The following PPARGC1A variants were observed in gnomAD, a reference collection of about 807,000 sequenced individuals.
PPARGC1A encodes PPARG coactivator 1 alpha.
PPARGC1A carries 25 observed loss-of-function variants against 88.7 expected under a neutral mutation model. The ratio of observed to expected loss-of-function variants is 0.28; its 90% CI spans 0.21 to 0.39. The LOEUF is 0.39. Among genes scored for constraint, PPARGC1A ranks in the 10% least tolerant of loss-of-function variants. The probability of loss-of-function intolerance (pLI) is 1.00; values close to 1 mark genes in which losing one functional copy is unlikely to be tolerated. For missense variants in PPARGC1A, 880 were observed against 968.7 expected (o/e 0.91, Z 1.22); for synonymous variants, 363 against 355.6 (o/e 1.02, Z -0.24).
At chr4:24,186,502 T>C in the PPARGC1A span, among the ~76,000 whole-genome samples, 1 of 152,170 alleles carries the variant, frequency 6.6e-6, no homozygotes, top group Non-Finnish European at 1.5e-5. Flanking sequence ...TCTCTGGATC[T>C]TGGTGTCCTT....
chr4:23,981,205 T>C, the PPARGC1A span, among the ~76,000 whole-genome samples: 12 of 152,016 alleles, frequency 7.9e-5, no homozygotes, highest in African/African-American at 2.7e-4. Flanking sequence ...GCAATGGACT[T>C]TTAGTAAAAG....
the PPARGC1A span, among the ~76,000 whole-genome samples, chr4:24,058,185 C>T: frequency 6.6e-6 from 1 of 152,182 alleles, no homozygotes; most frequent in Non-Finnish European, 1.5e-5. Flanking sequence ...TCTTCCTCAG[C>T]TGACTCTTGA....
At chr4:24,445,078 G>A in the PPARGC1A span, among the ~76,000 whole-genome samples, 99 of 151,852 alleles carry the variant, frequency 6.5e-4, no homozygotes, top group Non-Finnish European at 1.1e-3. Context: ...GAGAGAGAGA[G>A]AAAACCACAG....
chr4:24,436,710 G>C, the PPARGC1A span, among the ~76,000 whole-genome samples: 6 of 124,610 alleles, frequency 4.8e-5, no homozygotes, highest in East Asian at 4.7e-4. Flanking sequence ...CCGGGTCACA[G>C]AGCTGACATC....
the PPARGC1A span, among the ~76,000 whole-genome samples, chr4:24,141,966 C>A: frequency 6.6e-6 from 1 of 152,184 alleles, no homozygotes; most frequent in Non-Finnish European, 1.5e-5. Context: ...TGGCATCCAG[C>A]TAAAAATGAT....
chr4:24,323,029 G>C, the PPARGC1A span, among the ~76,000 whole-genome samples: 3 of 152,104 alleles, frequency 2.0e-5, no homozygotes, highest in Non-Finnish European at 4.4e-5. Context: ...TTGAGCATGG[G>C]TTTGGACCTC....
At chr4:24,281,784 C>CT in the PPARGC1A span, among the ~76,000 whole-genome samples, 7 of 151,750 alleles carry the variant, frequency 4.6e-5, no homozygotes, top group African/African-American at 1.7e-4. Flanking sequence ...TTTCTTTTGG[C>CT]TTGCTGTTGT....
At chr4:24,269,615 A>C in the PPARGC1A span, among the ~76,000 whole-genome samples, 5 of 152,164 alleles carry the variant, frequency 3.3e-5, no homozygotes, top group African/African-American at 4.8e-5. Context: ...ATTACTTAGC[A>C]TGTAGTCTTT....
the PPARGC1A span, among the ~76,000 whole-genome samples, chr4:24,364,389 G>A: frequency 7.2e-5 from 11 of 152,298 alleles, no homozygotes; most frequent in East Asian, 1.5e-3. Flanking sequence ...AAAGTGCTAC[G>A]TTTAAAGGTG....
At chr4:24,320,830 CT>C in the PPARGC1A span, among the ~76,000 whole-genome samples, 1 of 152,136 alleles carries the variant, frequency 6.6e-6, no homozygotes, top group South Asian at 2.1e-4. Context: ...TTCTGAATAC[CT>C]TTTTATTATT....
the PPARGC1A span, among the ~76,000 whole-genome samples, chr4:24,135,845 T>C: frequency 3.9e-5 from 6 of 151,974 alleles, no homozygotes; most frequent in East Asian, 5.8e-4. Context: ...TCTGGGGGGG[T>C]CAATATGTTG....
chr4:23,877,866 C>G (rs1178363831), intron 2 of PPARGC1A: 2 of 152,278 alleles, frequency 1.3e-5, no homozygotes, highest in Admixed American at 6.6e-5. Context: ...CTTCCAGGAC[C>G]TGGCGTAGAG....
the PPARGC1A span, among the ~76,000 whole-genome samples, chr4:24,240,174 G>T: frequency 6.6e-6 from 1 of 152,146 alleles, no homozygotes; most frequent in Non-Finnish European, 1.5e-5. Context: ...TTATATTAAG[G>T]CTCACAAGGA....
upstream of PPARGC1A, among the ~76,000 whole-genome samples, chr4:23,907,512 C>A (rs1720189138): frequency 6.6e-6 from 1 of 152,116 alleles, no homozygotes; most frequent in African/African-American, 2.4e-5. Flanking sequence ...GAGACACAAA[C>A]CTGAGTGTGA....
At chr4:24,466,699 G>A in the PPARGC1A span, among the ~76,000 whole-genome samples, 1 of 151,894 alleles carries the variant, frequency 6.6e-6, no homozygotes, top group Admixed American at 6.6e-5. Context: ...TTGGGAGGCC[G>A]AGGTCAGGAG....
At chr4:24,024,155 G>A in the PPARGC1A span, among the ~76,000 whole-genome samples, 1 of 152,174 alleles carries the variant, frequency 6.6e-6, no homozygotes, top group Admixed American at 6.5e-5. Context: ...ACCTTACTAA[G>A]TTCAGGGTTA....
Position 23,824,520 on chromosome 4 carries a change from A to T in PPARGC1A, c.758-12T>A. On this transcript the variant is annotated splice_polypyrimidine_tract_variant and intron_variant, in intron 5 of 12. Transcript: ENST00000264867. ...AGTTGTTGGTTTGGCTAAAGAAAAA[A>T]AAAAGAAACTAATTATGTAATATTG... The T allele has an allele frequency of 1.3e-6, 2 of 1,580,850 alleles. No individual in the cohort carries two copies. Among genetic ancestry groups the T allele is most frequent in the East Asian group, 2.2e-5 (1 of 44,650 alleles).
At chr4:23,845,115 A>G (rs1728087845) in intron 2 of PPARGC1A, among the ~76,000 whole-genome samples, 1 of 151,866 alleles carries the variant, frequency 6.6e-6, no homozygotes, top group Admixed American at 6.6e-5. Context: ...AACATTGATC[A>G]ATCAGAACAG....
chr4:24,049,849 G>C, the PPARGC1A span, among the ~76,000 whole-genome samples: 1 of 152,132 alleles, frequency 6.6e-6, no homozygotes, highest in Admixed American at 6.5e-5. Flanking sequence ...AGGAATTCCA[G>C]CATGACATTA....
Sources: allele counts gnomAD v4.1 joint callset (sites outside exome capture counted in the v4.1 genomes callset), GRCh38; gene constraint gnomAD v4.1.1; transcripts MANE v1.5; gene names NCBI Gene and HGNC (gene_info 2026-07-23, HGNC 2026-07-21).